Variants in MME observed in about 807,000 individuals in gnomAD.
The protein encoded by MME is membrane metalloendopeptidase.
Under a neutral mutation model 113.2 loss-of-function variants are expected in MME, and 98 were observed. The ratio of observed to expected loss-of-function variants is 0.87; its 90% CI spans 0.74 to 1.02. The LOEUF (loss-of-function observed/expected upper bound fraction) is 1.02, where lower values mean the gene tolerates loss of function less well. Ranked by LOEUF, MME falls within the 50% of genes least tolerant of loss-of-function variation. The probability of loss-of-function intolerance (pLI) is 0.00; values close to 1 mark genes in which losing one functional copy is unlikely to be tolerated. For missense variants in MME, 836 were observed against 896.0 expected (o/e 0.93, Z 0.86); for synonymous variants, 292 against 300.6 (o/e 0.97, Z 0.30).
At chr3:155,064,408 G>A (rs976531639) in intron 1 of MME, among the ~76,000 whole-genome samples, 3 of 152,128 alleles carry the variant, frequency 2.0e-5, no homozygotes, top group South Asian at 2.1e-4. Flanking sequence ...CCATGCAGCC[G>A]CAAAGTCAGA....
intron 3 of MME, 78 bp from the exon 4 acceptor site, chr3:155,114,916 C>T: frequency 7.0e-7 from 1 of 1,422,204 alleles, no homozygotes; most frequent in South Asian, 1.2e-5. Flanking sequence ...CAAAAGGGAG[C>T]AATAAGCCTT....
At chr3:155,155,888 A>T (rs1451991152) in intron 16 of MME, among the ~76,000 whole-genome samples, 3 of 152,162 alleles carry the variant, frequency 2.0e-5, no homozygotes, top group Non-Finnish European at 2.9e-5. Flanking sequence ...GACTAAAAAG[A>T]TTGTGCCTTG....
Position 155,183,114 on chromosome 3 carries a change from G to C in MME, c.*2655G>C, listed in dbSNP as rs924139870. 2.6e-5 allele frequency: 4 copies of C among 152,218 alleles called. No individual in the cohort carries two copies. Among genetic ancestry groups the C allele is most frequent in the African/African-American group, 9.7e-5 (4 of 41,450 alleles). 9.4% of individuals were successfully genotyped at this position (152,218 alleles called of 1,614,324 possible). The stretch of plus-strand genomic sequence containing the variant: ...AGCTCTCGACAATACCCGTTGGCAA[G>C]GAGTCTGCCTCCATGCTGCAGTGTT... On this transcript the variant is annotated 3_prime_UTR_variant, in exon 23 of 23. Transcript: ENST00000360490.
chr3:155,145,381 G>C (rs1322264633), intron 14 of MME, among the ~76,000 whole-genome samples: 2 of 152,078 alleles, frequency 1.3e-5, no homozygotes, highest in Non-Finnish European at 2.9e-5. Flanking sequence ...TTGTAGGAAG[G>C]CTTCCCTCAT....
chr3:155,053,523 A>T (rs1413691593), intron 1 of MME, among the ~76,000 whole-genome samples: 1 of 152,166 alleles, frequency 6.6e-6, no homozygotes, highest in African/African-American at 2.4e-5. Flanking sequence ...AACAGCATGA[A>T]GATAACTGTC....
chr3:155,110,885 C>T (rs990144634), intron 3 of MME, among the ~76,000 whole-genome samples: 2 of 152,152 alleles, frequency 1.3e-5, no homozygotes, highest in East Asian at 3.9e-4. Flanking sequence ...TATGCTCTTT[C>T]ACTTTACAAT....
At position 155,102,921 on chromosome 3, in the gene MME, C is replaced by A. The variant is rs546131592; in HGVS notation, c.197-12073C>A. On this transcript the variant is annotated intron_variant, in intron 3 of 22. Transcript: ENST00000360490. ...TCCACACCGGCAGAGAGTCACTCTGCATGTCAGTCCTCTTTCGGTTGCCTC... is the reference window on the plus strand; with the variant it reads ...TCCACACCGGCAGAGAGTCACTCTGAATGTCAGTCCTCTTTCGGTTGCCTC... 1.7e-4 allele frequency among the ~76,000 whole-genome samples: 26 copies of A among 152,296 alleles called. No homozygotes were observed. The South Asian group carries it at 5.4e-3, about 32-fold the overall frequency.
intron 1 of MME, among the ~76,000 whole-genome samples, chr3:155,034,370 TAATA>T (rs1366484610): frequency 6.6e-6 from 1 of 152,172 alleles, no homozygotes; most frequent in African/African-American, 2.4e-5. Flanking sequence ...TCCCTGGCAA[TAATA>T]AATAATTTCC....
chr3:155,059,258 CAA>C (rs11459710), intron 1 of MME, among the ~76,000 whole-genome samples: 478 of 56,010 alleles, frequency 8.5e-3, no homozygotes, highest in African/African-American at 0.033. Flanking sequence ...AATTCTGTCT[CAA>C]AAAAAAAAAA....
chr3:155,075,286 T>A (rs2108147584), upstream of MME, among the ~76,000 whole-genome samples: 1 of 152,246 alleles, frequency 6.6e-6, no homozygotes, highest in East Asian at 1.9e-4. Flanking sequence ...TTTGAACTAT[T>A]TTACTTTCAA....
intron 8 of MME, among the ~76,000 whole-genome samples, chr3:155,132,760 A>G (rs1007323235): frequency 2.6e-5 from 4 of 151,996 alleles, no homozygotes; most frequent in African/African-American, 9.7e-5. Flanking sequence ...AAGTGTTAAA[A>G]TACATGTTGA....
chr3:155,053,858 G>T (rs1713842624), intron 1 of MME, among the ~76,000 whole-genome samples: 1 of 152,194 alleles, frequency 6.6e-6, no homozygotes, highest in Non-Finnish European at 1.5e-5. Flanking sequence ...AGAAAACAGA[G>T]GATCAAGCCT....
At chr3:155,141,967 T>A in intron 10 of MME, 24 bp from the exon 11 acceptor site, 1 of 1,613,316 alleles carries the variant, frequency 6.2e-7, no homozygotes, top group Non-Finnish European at 8.5e-7. Context: ...AATTTCTGAA[T>A]GTTTCATGCC....
At chr3:155,111,090 T>G (rs1037438476) in intron 3 of MME, among the ~76,000 whole-genome samples, 1 of 152,104 alleles carries the variant, frequency 6.6e-6, no homozygotes, top group East Asian at 1.9e-4. Context: ...CAAAACAAAG[T>G]ACAAAACATA....
At chr3:155,081,592 T>C (rs964755544) in intron 1 of MME, 1 of 152,004 alleles carries the variant, frequency 6.6e-6, no homozygotes, top group African/African-American at 2.4e-5. Context: ...CTGCTTTATA[T>C]GGGACTATAA....
chr3:155,088,866 G>A (rs1441458580), intron 3 of MME, among the ~76,000 whole-genome samples: 1 of 152,128 alleles, frequency 6.6e-6, no homozygotes, highest in Admixed American at 6.5e-5. Context: ...TTATATGAAA[G>A]ATGGCCCCAA....
At chr3:155,142,392 G>A (rs780931611) in intron 12 of MME, 62 bp downstream of exon 12, 9 of 1,349,538 alleles carry the variant, frequency 6.7e-6, no homozygotes, top group Non-Finnish European at 2.1e-6. Context: ...GGTTATGAAG[G>A]CTTACCATGT....
chr3:155,068,700 T>C (rs1430027611), intron 1 of MME, among the ~76,000 whole-genome samples: 1 of 152,218 alleles, frequency 6.6e-6, no homozygotes, highest in Non-Finnish European at 1.5e-5. Flanking sequence ...TAGAGAGTTA[T>C]TGAAAGTTTT....
intron 1 of MME, among the ~76,000 whole-genome samples, chr3:155,074,408 A>G (rs1225694455): frequency 2.0e-5 from 3 of 151,106 alleles, no homozygotes; most frequent in East Asian, 1.9e-4. Flanking sequence ...TCTTTGATTT[A>G]TGTGTGTGTG....
Sources: gnomAD v4.1 joint callset for allele counts (sites outside exome capture counted in the v4.1 genomes callset) on GRCh38, gnomAD v4.1.1 for gene constraint, MANE v1.5 for transcripts, NCBI Gene and HGNC (gene_info 2026-07-23, HGNC 2026-07-21) for gene names.